Variants in SPAG1 observed in about 807,000 individuals in gnomAD.
The protein encoded by SPAG1 is sperm-associated antigen 1.
A neutral mutation model predicts 100.5 loss-of-function variants in SPAG1; 69 were observed. The ratio of observed to expected loss-of-function variants is 0.69; its 90% CI spans 0.57 to 0.84. SPAG1 has a LOEUF of 0.84. Ranked by LOEUF, SPAG1 falls within the 40% of genes least tolerant of loss-of-function variation. SPAG1 has a pLI of 0.00. For missense variants in SPAG1, 955 were observed against 1,133.1 expected, an observed-to-expected ratio of 0.84 and a Z score of 2.26; for synonymous variants, 336 against 411.6, an observed-to-expected ratio of 0.82 and a Z score of 2.22.
At chr8:100,229,447 A>C (rs1818667062) in intron 14 of SPAG1, among the ~76,000 whole-genome samples, 2 of 151,976 alleles carry the variant, frequency 1.3e-5, no homozygotes, top group Admixed American at 1.3e-4. Context: ...AAACAAAACA[A>C]AAAAAAACAA....
chr8:100,162,886 C>A (rs752945871), intron 2 of SPAG1, among the ~76,000 whole-genome samples: 1 of 151,970 alleles, frequency 6.6e-6, no homozygotes, highest in Non-Finnish European at 1.5e-5. Flanking sequence ...ATTGCTTGGG[C>A]CTTGGAGGCT....
At chr8:100,232,773 TC>T (rs1273416620) in intron 15 of SPAG1, among the ~76,000 whole-genome samples, 4 of 152,294 alleles carry the variant, frequency 2.6e-5, no homozygotes, top group Middle Eastern at 3.4e-3. Context: ...TCATCGGACT[TC>T]CATTAAGCTC....
intron 14 of SPAG1, among the ~76,000 whole-genome samples, chr8:100,229,469 A>G (rs1818669149): frequency 6.6e-6 from 1 of 152,186 alleles, no homozygotes; most frequent in Non-Finnish European, 1.5e-5. Context: ...AGAATGAGGA[A>G]GTACATTTCC....
At chr8:100,201,595 T>C (rs1318489954) in intron 10 of SPAG1, among the ~76,000 whole-genome samples, 1 of 152,230 alleles carries the variant, frequency 6.6e-6, no homozygotes, top group Non-Finnish European at 1.5e-5. Flanking sequence ...TCCTGATTTA[T>C]ACAACTCCCG....
At chr8:100,228,950 G>C (rs1457633033) in intron 14 of SPAG1, among the ~76,000 whole-genome samples, 1 of 152,122 alleles carries the variant, frequency 6.6e-6, no homozygotes, top group Admixed American at 6.5e-5. Context: ...GGATGGTCTT[G>C]GCTTGTGTCA....
At chr8:100,217,775 G>A (rs570732345) in intron 12 of SPAG1, among the ~76,000 whole-genome samples, 18 of 151,688 alleles carry the variant, frequency 1.2e-4, no homozygotes, top group African/African-American at 3.4e-4. Context: ...CTCCTTTTTC[G>A]TTTTTCTTTT....
intron 11 of SPAG1, 78 bp from the exon 12 acceptor site, chr8:100,213,741 C>A: frequency 1.1e-6 from 1 of 914,032 alleles, no homozygotes; most frequent in Non-Finnish European, 1.8e-6. Flanking sequence ...CACCGGAGAC[C>A]TCGGCCGTCT....
rs555976064 is a variant in SPAG1 at position 100,178,316 on chromosome 8, T to G, written c.426+375T>G. On this transcript the variant is annotated intron_variant, in intron 4 of 18. Coordinates refer to ENST00000388798, the MANE Select transcript of SPAG1 (RefSeq NM_003114.5). ...ATATCTAGTAGGGCTACAGAGGATA[T>G]ATCATGTTACATAATTTAATTATGG... Among the ~76,000 whole-genome samples the G allele has an allele frequency of 1.7e-3, 261 of 152,070 alleles. 1 individual carries two copies. The highest frequency in any genetic ancestry group is 3.3e-3 in the Non-Finnish European group (225 of 68,006).
At position 100,236,045 on chromosome 8, in the gene SPAG1, C is replaced by A. The variant is rs150709687; in HGVS notation, c.2115+2508C>A. Among the ~76,000 whole-genome samples, 632 of 152,338 alleles carry A rather than the reference C, an allele frequency of 4.1e-3. 3 individuals are homozygous for A. Among genetic ancestry groups the A allele is most frequent in the Non-Finnish European group, 6.9e-3 (469 of 68,032 alleles). Reference sequence around the variant, plus strand: ...CATTTACCTCTTACTGGCTGCCTGACTTTCTGAACCTGGTGAGCTGACTAA... The same window carrying A: ...CATTTACCTCTTACTGGCTGCCTGAATTTCTGAACCTGGTGAGCTGACTAA... On this transcript the variant is annotated intron_variant, in intron 16 of 18. Coordinates refer to ENST00000388798, the MANE Select transcript of SPAG1 (RefSeq NM_003114.5).
intron 4 of SPAG1, 120 bp from the exon 5 acceptor site, chr8:100,183,255 G>T (rs1232743485): frequency 1.7e-5 from 9 of 522,206 alleles, no homozygotes; most frequent in Non-Finnish European, 3.1e-5. Context: ...TTACAGGCGT[G>T]AGTCCCCGCA....
Position 100,231,141 on chromosome 8 carries a change from T to C in SPAG1, c.1856-15T>C, listed in dbSNP as rs1818750373. Reference sequence around the variant, plus strand: ...TGTACAGATACTTCCTCTTCTTTGTTTTTTTGTCCCATAGATGAAAAAACA... The same window carrying C: ...TGTACAGATACTTCCTCTTCTTTGTCTTTTTGTCCCATAGATGAAAAAACA... On this transcript the variant is annotated splice_polypyrimidine_tract_variant and intron_variant, in intron 14 of 18. Coordinates refer to ENST00000388798, the MANE Select transcript of SPAG1 (RefSeq NM_003114.5). 1 of 1,591,208 alleles carries C rather than the reference T, an allele frequency of 6.3e-7. No homozygotes were observed. The highest frequency in any genetic ancestry group is 1.8e-5 in the Admixed American group (1 of 55,204).
At chr8:100,216,255 C>G (rs2514683) in intron 12 of SPAG1, among the ~76,000 whole-genome samples, 95,756 of 152,066 alleles carry the variant, frequency 0.63, 30,521 homozygotes, top group African/African-American at 0.72. Context: ...TTCAGCTCAA[C>G]TGTCTGTTTC....
chr8:100,221,937 T>C (rs1187617028), intron 13 of SPAG1, among the ~76,000 whole-genome samples: 1 of 152,254 alleles, frequency 6.6e-6, no homozygotes, highest in Admixed American at 6.5e-5. Context: ...GGAACCTGTC[T>C]GATCCCAGCC....
At chr8:100,158,445 G>C (rs1815158273), upstream of SPAG1, 1 of 152,388 alleles carries the variant, frequency 6.6e-6, no homozygotes, top group East Asian at 1.9e-4. Context: ...CCCAGTCCCG[G>C]CAGGTCCTGG....
intron 3 of SPAG1, among the ~76,000 whole-genome samples, chr8:100,174,679 T>C (rs1173243441): frequency 6.6e-6 from 1 of 152,214 alleles, no homozygotes; most frequent in Non-Finnish European, 1.5e-5. Context: ...TTCTGCCAGA[T>C]TGTCTAATGT....
chr8:100,237,730 T>G (rs1819068501), intron 16 of SPAG1, among the ~76,000 whole-genome samples: 1 of 152,194 alleles, frequency 6.6e-6, no homozygotes, highest in Non-Finnish European at 1.5e-5. Flanking sequence ...GCTGCCATTC[T>G]GCCCTCTTCA....
rs535612684 is a variant in SPAG1 at position 100,238,180 on chromosome 8, A to G, written c.2116-1060A>G. Among the ~76,000 whole-genome samples, 10 of 152,206 alleles carry G rather than the reference A, an allele frequency of 6.6e-5. No homozygotes were observed. The Middle Eastern group carries it at 0.01, about 155-fold the overall frequency. On this transcript the variant is annotated intron_variant, in intron 16 of 18. Coordinates refer to ENST00000388798, the MANE Select transcript of SPAG1 (RefSeq NM_003114.5). ...ACGCTTAGGATATAAATACAGTGTC[A>G]TTTTTCCCCCGGTAAGGTTCCAGTG...
In SPAG1 at chr8:100,239,323, G is replaced by C; in HGVS notation, c.2199G>C (p.Glu733Asp). 20 of 1,575,804 alleles carry C rather than the reference G, an allele frequency of 1.3e-5. No homozygotes were observed. Among genetic ancestry groups the C allele is most frequent in the Non-Finnish European group, 1.7e-5 (20 of 1,159,786 alleles). The change falls in exon 17 of 19, where the codon GAG (glutamate) becomes GAC (aspartate). Residue 733 changes from glutamate to aspartate, a missense_variant. Glu to Asp is a conservative substitution (Grantham distance 45, BLOSUM62 2). Transcript: ENST00000388798. The surrounding 1 kb of genome is among the most constrained non-coding windows in gnomAD (Gnocchi z 5.0). ...TTGAGGCAAAGATGGAACTGGAAGA[G>C]GTAACTAGACTCCTTAATCTTAAGG... ...SIIEAKMELE[E>D]VTRLLNLKDK...
intron 10 of SPAG1, among the ~76,000 whole-genome samples, chr8:100,205,377 G>A (rs1284822051): frequency 6.6e-6 from 1 of 152,192 alleles, no homozygotes; most frequent in Admixed American, 6.5e-5. Flanking sequence ...GATTCCAGGA[G>A]ACCCAAAACA....
Sources: allele counts gnomAD v4.1 joint callset (sites outside exome capture counted in the v4.1 genomes callset), GRCh38; gene constraint gnomAD v4.1.1; non-coding constraint Gnocchi (gnomAD v3.1); transcripts MANE v1.5; gene names NCBI Gene and HGNC (gene_info 2026-07-23, HGNC 2026-07-21).